HS3ST5: variants seen among roughly 807,000 people sequenced by gnomAD.
HS3ST5 encodes heparan sulfate glucosamine 3-O-sulfotransferase 5.
HS3ST5 carries 10 observed loss-of-function variants against 25.4 expected under a neutral mutation model. That is an observed-to-expected ratio of 0.39 (90% CI 0.24 to 0.67). HS3ST5 has a LOEUF of 0.67. Ranked by LOEUF, HS3ST5 falls within the 30% of genes least tolerant of loss-of-function variation. HS3ST5 has a pLI of 0.44. For missense variants in HS3ST5, 324 were observed against 420.7 expected (o/e 0.77, Z 2.01); for synonymous variants, 170 against 162.4 (o/e 1.05, Z -0.36).
chr6:114,186,608 A>G (rs1172335689), intron 2 of HS3ST5, among the ~76,000 whole-genome samples: 1 of 152,234 alleles, frequency 6.6e-6, no homozygotes, highest in Non-Finnish European at 1.5e-5. Context: ...ATTCAAGGTG[A>G]AGCAGCAAAT....
chr6:114,285,549 T>C (rs773991939), intron 1 of HS3ST5, among the ~76,000 whole-genome samples: 1 of 152,020 alleles, frequency 6.6e-6, no homozygotes, highest in Non-Finnish European at 1.5e-5. Context: ...CTTGAAGACA[T>C]TGTGCTAAGT....
chr6:114,191,665 C>T (rs994602178), intron 2 of HS3ST5, among the ~76,000 whole-genome samples: 2 of 152,052 alleles, frequency 1.3e-5, no homozygotes, highest in East Asian at 3.9e-4. Flanking sequence ...ATCATCGGTG[C>T]CTTGCAGTGT....
At chr6:114,322,367 C>T (rs932304502) in intron 1 of HS3ST5, among the ~76,000 whole-genome samples, 22 of 152,178 alleles carry the variant, frequency 1.4e-4, no homozygotes, top group African/African-American at 4.3e-4. Context: ...TCTGCACAAC[C>T]TTTCCTAATC....
chr6:114,120,068 C>T (rs1020128135), intron 3 of HS3ST5, among the ~76,000 whole-genome samples: 1 of 152,080 alleles, frequency 6.6e-6, no homozygotes, highest in African/African-American at 2.4e-5. Context: ...TCACTTGAAC[C>T]TGGGAGGCAG....
chr6:114,180,178 CA>C (rs1189693488), intron 2 of HS3ST5, among the ~76,000 whole-genome samples: 1 of 152,084 alleles, frequency 6.6e-6, no homozygotes, highest in Non-Finnish European at 1.5e-5. Context: ...CAATACTTTG[CA>C]TCCTTCAATC....
intron 3 of HS3ST5, among the ~76,000 whole-genome samples, chr6:114,158,899 A>G (rs987714713): frequency 2.0e-5 from 3 of 152,238 alleles, no homozygotes; most frequent in Admixed American, 6.5e-5. Flanking sequence ...TCATTTATTT[A>G]TCATAAAATG....
intron 1 of HS3ST5, among the ~76,000 whole-genome samples, chr6:114,331,159 T>G (rs561553833): frequency 1.3e-5 from 2 of 152,280 alleles, no homozygotes; most frequent in South Asian, 4.1e-4. Context: ...GTAAACCGCA[T>G]GGTTGCAAGA....
chr6:114,248,891 G>C (rs1772511602), intron 1 of HS3ST5, among the ~76,000 whole-genome samples: 1 of 152,212 alleles, frequency 6.6e-6, no homozygotes, highest in Non-Finnish European at 1.5e-5. Context: ...ATTGCCTATA[G>C]TATCATATTA....
rs889616738 is a variant in HS3ST5 at position 114,056,094 on chromosome 6, A to G, written c.*1163T>C. 6 of 152,162 alleles carry G rather than the reference A, an allele frequency of 3.9e-5. No homozygotes were observed. Among genetic ancestry groups the G allele is most frequent in the African/African-American group, 1.4e-4 (6 of 41,434 alleles). The allele number at this position is 152,162 out of a possible 1,614,324, so 9.4% of individuals were successfully genotyped here. On this transcript the variant is annotated 3_prime_UTR_variant, in exon 5 of 5. Transcript: ENST00000312719. ...TTTTCTAATCTTATTTAATTTCTCT[A>G]CTGGTCTGACTCTGATTAGAGGTTC... is the stretch of plus-strand genomic sequence containing the variant.
intron 1 of HS3ST5, among the ~76,000 whole-genome samples, chr6:114,241,710 A>G (rs1772136375): frequency 6.6e-6 from 1 of 152,174 alleles, no homozygotes; most frequent in South Asian, 2.1e-4. Context: ...AAATGTCTCC[A>G]ACTAAACCCG....
At chr6:114,252,165 A>AT (rs1772694658) in intron 1 of HS3ST5, among the ~76,000 whole-genome samples, 1 of 151,888 alleles carries the variant, frequency 6.6e-6, no homozygotes, top group Non-Finnish European at 1.5e-5. Context: ...TAAAAAAAAA[A>AT]AATCCATTAG....
At chr6:114,088,160 C>A (rs6568829) in intron 3 of HS3ST5, among the ~76,000 whole-genome samples, 131,964 of 152,084 alleles carry the variant, frequency 0.87, 57,423 homozygotes, top group Non-Finnish European at 0.9. Flanking sequence ...TGTAAATTAC[C>A]TACGTGGTTT....
intron 3 of HS3ST5, among the ~76,000 whole-genome samples, chr6:114,093,335 T>C (rs1313333272): frequency 6.7e-6 from 1 of 148,754 alleles, no homozygotes; most frequent in East Asian, 2.0e-4. Flanking sequence ...TGACCTTGTA[T>C]CTTTTTTGTT....
chr6:114,239,374 A>C (rs1771999233), intron 1 of HS3ST5, among the ~76,000 whole-genome samples: 1 of 152,138 alleles, frequency 6.6e-6, no homozygotes. Flanking sequence ...ATCCACCAGG[A>C]GGGAGAGATA....
At chr6:114,161,524 TATATA>T (rs1778952317) in intron 3 of HS3ST5, among the ~76,000 whole-genome samples, 1 of 16,292 alleles carries the variant, frequency 6.1e-5, no homozygotes, top group African/African-American at 3.5e-4. Flanking sequence ...TGAAGTTTTA[TATATA>T]TATATATATA....
chr6:114,226,904 A>G (rs2114515985), intron 2 of HS3ST5, among the ~76,000 whole-genome samples: 2 of 152,128 alleles, frequency 1.3e-5, no homozygotes, highest in South Asian at 4.2e-4. Context: ...AAAAGAAAGA[A>G]AGAGAGAGAT....
intron 3 of HS3ST5, among the ~76,000 whole-genome samples, chr6:114,168,127 C>T (rs781626653): frequency 2.6e-5 from 4 of 151,976 alleles, no homozygotes; most frequent in South Asian, 2.1e-4. Flanking sequence ...ATTTCATTGA[C>T]GGGGAAGGTT....
intron 3 of HS3ST5, among the ~76,000 whole-genome samples, chr6:114,147,313 G>A (rs1778217839): frequency 6.6e-6 from 1 of 152,110 alleles, no homozygotes; most frequent in Non-Finnish European, 1.5e-5. Flanking sequence ...GCTAAATGTG[G>A]CCATGTGACT....
chr6:114,228,486 T>A (rs1308510883), intron 2 of HS3ST5, 99 bp downstream of exon 2: 1 of 152,158 alleles, frequency 6.6e-6, no homozygotes, highest in East Asian at 1.9e-4. Context: ...ATTTAATAGT[T>A]TCTTTTCCTT....
Sources: gnomAD v4.1 joint callset for allele counts (sites outside exome capture counted in the v4.1 genomes callset) on GRCh38, gnomAD v4.1.1 for gene constraint, MANE v1.5 for transcripts, NCBI Gene and HGNC (gene_info 2026-07-23, HGNC 2026-07-21) for gene names.